COL14A1: variants seen among roughly 807,000 people sequenced by gnomAD.
COL14A1 encodes collagen type XIV alpha 1 chain, also known as collagen alpha-1(XIV) chain.
In COL14A1, 136 loss-of-function variants were observed where a neutral mutation model predicts 230.3. The ratio of observed to expected loss-of-function variants is 0.59; its 90% CI spans 0.51 to 0.68. COL14A1 has a LOEUF of 0.68. Among genes scored for constraint, COL14A1 ranks in the 30% least tolerant of loss-of-function variants. The pLI, the probability that COL14A1 is intolerant of heterozygous loss-of-function variation, is 0.00. For missense variants in COL14A1, 1,976 were observed against 2,215.8 expected, an observed-to-expected ratio of 0.89 and a Z score of 2.17; for synonymous variants, 792 against 784.1, an observed-to-expected ratio of 1.01 and a Z score of -0.17.
At chr8:120,162,285 C>A in intron 3 of COL14A1, 141 bp from the exon 4 acceptor site, 1 of 587,942 alleles carries the variant, frequency 1.7e-6, no homozygotes, top group Non-Finnish European at 2.8e-6. Flanking sequence ...TAAATATATA[C>A]ACTTTAAAAT....
chr8:120,283,876 C>A, intron 32 of COL14A1, 98 bp downstream of exon 32: 1 of 926,584 alleles, frequency 1.1e-6, no homozygotes. Context: ...GAGTAACTCA[C>A]TAATCTTATG....
Position 120,353,584 on chromosome 8 carries a change from A to G in COL14A1, c.5077+8021A>G, listed in dbSNP as rs954242349. 2.4e-4 allele frequency among the ~76,000 whole-genome samples: 37 copies of G among 151,594 alleles called. 2 individuals are homozygous for G. The highest frequency in any genetic ancestry group is 9.0e-4 in the African/African-American group (37 of 40,994). ...CCCCATCAAAAAGTGGGCGAAGGAC[A>G]TGAACAGACACCTCTCAAAAGAAGA... On this transcript the variant is annotated intron_variant, in intron 45 of 47. Transcript: ENST00000297848.
chr8:120,177,652 C>CA (rs60652647), intron 5 of COL14A1, among the ~76,000 whole-genome samples: 6,524 of 82,748 alleles, frequency 0.079, 550 homozygotes, highest in African/African-American at 0.18. Flanking sequence ...TTGCCTGCTT[C>CA]AAAAAAAAAA....
At chr8:120,240,045 A>G (rs1261297326) in intron 19 of COL14A1, among the ~76,000 whole-genome samples, 1 of 151,876 alleles carries the variant, frequency 6.6e-6, no homozygotes, top group Non-Finnish European at 1.5e-5. Flanking sequence ...CACACTGTTT[A>G]TTTTTGACAT....
chr8:120,182,808 C>A (rs1174636194), intron 5 of COL14A1, among the ~76,000 whole-genome samples: 1 of 145,450 alleles, frequency 6.9e-6, no homozygotes, highest in Admixed American at 7.0e-5. Context: ...CTCACTGCAA[C>A]CTTCGCCCCT....
intron 40 of COL14A1, among the ~76,000 whole-genome samples, chr8:120,325,421 G>T (rs1396915582): frequency 6.6e-6 from 1 of 152,086 alleles, no homozygotes; most frequent in African/African-American, 2.4e-5. Flanking sequence ...TATGCTTATT[G>T]TTTAACCTTC....
intron 35 of COL14A1, among the ~76,000 whole-genome samples, 166 bp downstream of exon 35, chr8:120,297,754 A>G (rs900035520): frequency 1.3e-5 from 2 of 152,080 alleles, no homozygotes; most frequent in African/African-American, 4.8e-5. Context: ...TTTCTCCTGT[A>G]TAACCTAGGA....
At chr8:120,269,972 T>C in intron 25 of COL14A1, 63 bp from the exon 26 acceptor site, 1 of 1,551,064 alleles carries the variant, frequency 6.4e-7, no homozygotes, top group East Asian at 2.3e-5. Flanking sequence ...ATTTGTCTTA[T>C]TGGTTTAATA....
rs562947134 is a variant in COL14A1, at chr8:120,349,741, A to C, written c.5077+4178A>C. Among the ~76,000 whole-genome samples the C allele has an allele frequency of 7.4e-5, 9 of 122,126 alleles. 2 individuals carry two copies. The South Asian group carries it at 2.4e-3, about 32-fold the overall frequency. The allele number at this position is 122,126 out of a possible 152,430, so 80.1% of individuals were successfully genotyped here. A position where few individuals can be genotyped will look rare whatever the true frequency, so the allele number is the denominator to read the frequency against. The stretch of plus-strand genomic sequence containing the variant: ...CCAAGAAATATGGGACTATGTGAAA[A>C]GACCAAATCTACATCTGATTGGTTT... On this transcript the variant is annotated intron_variant, in intron 45 of 47. Coordinates refer to ENST00000297848, the MANE Select transcript of COL14A1 (RefSeq NM_021110.4).
intron 47 of COL14A1, chr8:120,370,189 T>C: frequency 1.4e-6 from 1 of 739,528 alleles, no homozygotes; most frequent in Non-Finnish European, 2.3e-6. Flanking sequence ...GCCATGAACT[T>C]ACTAGTTAAT....
chr8:120,226,503 C>T, intron 15 of COL14A1, 124 bp from the exon 16 acceptor site: 1 of 951,362 alleles, frequency 1.1e-6, no homozygotes. Flanking sequence ...AGTTTTCCTT[C>T]TTTCCTGTGC....
chr8:120,255,249 G>A lies in COL14A1; in HGVS notation c.2762G>A (p.Gly921Asp), dbSNP rs1314978476. Residue 921 changes from glycine (G) to aspartate (D), a missense_variant, in exon 23 of 48, where the codon GGT (glycine) becomes GAT (aspartate). Gly to Asp is a moderately conservative substitution (Grantham distance 94, BLOSUM62 -1). Transcript: ENST00000297848. ...LTGMVKTLFL[G>D]VTNLQAKHVE... is the part of the protein sequence containing the mutation. ...TTCTATTTCATTCCAGTGTTCTTGG[G>A]TGTTACCAATCTCCAAGCCAAACAT... The A allele has an allele frequency of 2.5e-6, 4 of 1,613,214 alleles. No homozygotes were observed. Among genetic ancestry groups the A allele is most frequent in the Non-Finnish European group, 3.4e-6 (4 of 1,179,306 alleles).
chr8:120,285,817 C>T, intron 32 of COL14A1, 44 bp from the exon 33 acceptor site: 1 of 1,265,794 alleles, frequency 7.9e-7, no homozygotes, highest in South Asian at 1.4e-5. Context: ...CAAAATTCAC[C>T]TACTTTAATT....
chr8:120,147,859 G>A lies in COL14A1; in HGVS notation c.17G>A (p.Arg6His), dbSNP rs776123215. The change falls in exon 2 of 48, where the codon CGC becomes CAC. Residue 6 changes from arginine to histidine, a missense_variant. Transcript: ENST00000297848. MKIFQRKMRYWLLPPF... is the reference protein window; with the variant it reads MKIFQHKMRYWLLPPF... Reference sequence around the variant, plus strand: ...GAAAATAAAATGAAGATTTTCCAGCGCAAGATGCGGTACTGGTTGCTTCCA... The same window carrying A: ...GAAAATAAAATGAAGATTTTCCAGCACAAGATGCGGTACTGGTTGCTTCCA... The A allele has an allele frequency of 6.8e-6, 11 of 1,613,426 alleles. No individual in the cohort carries two copies. The highest frequency in any genetic ancestry group is 2.2e-5 in the East Asian group (1 of 44,850).
chr8:120,243,020 C>T (rs1005923728), intron 19 of COL14A1, among the ~76,000 whole-genome samples: 31 of 152,314 alleles, frequency 2.0e-4, no homozygotes, highest in African/African-American at 7.0e-4. Context: ...TTCTTACATC[C>T]TAGCACTTTT....
At chr8:120,181,459 T>A (rs941664677) in intron 5 of COL14A1, among the ~76,000 whole-genome samples, 1 of 152,180 alleles carries the variant, frequency 6.6e-6, no homozygotes, top group African/African-American at 2.4e-5. Context: ...ACACTCTCAA[T>A]GGGAGTGACA....
At position 120,253,529 on chromosome 8, in the gene COL14A1, T is replaced by G. The variant is rs148556803; in HGVS notation, c.2753-1711T>G. Among the ~76,000 whole-genome samples, 415 of 152,304 alleles carry G rather than the reference T, an allele frequency of 2.7e-3. 1 individual carries two copies. Among genetic ancestry groups the G allele is most frequent in the East Asian group, 5.4e-3 (28 of 5,188 alleles). On this transcript the variant is annotated intron_variant, in intron 22 of 47. Transcript: ENST00000297848. ...GTTTATTATTTATTCTCTCTATTTC[T>G]CCCAAGCAAAAGAAAATCTCCCACA... is the stretch of plus-strand genomic sequence containing the variant.
intron 24 of COL14A1, among the ~76,000 whole-genome samples, chr8:120,265,402 A>G (rs1054316490): frequency 1.3e-5 from 2 of 152,132 alleles, no homozygotes; most frequent in African/African-American, 2.4e-5. Flanking sequence ...TTGCAATCCT[A>G]GTTACAAAAA....
At chr8:120,237,255 G>A (rs113535645) in intron 19 of COL14A1, among the ~76,000 whole-genome samples, 1,760 of 152,208 alleles carry the variant, frequency 0.012, 34 homozygotes, top group African/African-American at 0.04. Flanking sequence ...CCAATCAAAC[G>A]CAGATTTGGT....
Sources: allele counts gnomAD v4.1 joint callset (sites outside exome capture counted in the v4.1 genomes callset), GRCh38; gene constraint gnomAD v4.1.1; transcripts MANE v1.5; gene names NCBI Gene and HGNC (gene_info 2026-07-23, HGNC 2026-07-21).